The following NUP93 variants were observed in gnomAD, a reference collection of about 807,000 sequenced individuals.
NUP93 encodes nucleoporin 93, also known as nuclear pore complex protein Nup93.
In NUP93, 55 loss-of-function variants were observed where a neutral mutation model predicts 107.8. The ratio of observed to expected loss-of-function variants is 0.51; its 90% CI spans 0.41 to 0.64. NUP93 has a LOEUF of 0.64. Among genes scored for constraint, NUP93 ranks in the 30% least tolerant of loss-of-function variants. NUP93 has a pLI of 0.00. For synonymous variants in NUP93, 390 were observed against 397.5 expected (o/e 0.98, Z 0.22); for missense variants, 937 against 1,044.7 (o/e 0.90, Z 1.42).
Position 56,823,856 on chromosome 16 carries a change from C to T in NUP93, c.794+10C>T. 2.5e-6 allele frequency: 4 copies of T among 1,611,814 alleles called. No individual in the cohort carries two copies. Among genetic ancestry groups the T allele is most frequent in the Non-Finnish European group, 3.4e-6 (4 of 1,178,982 alleles). ...CGTACCTTGAGCAGAGGTAAGGCAG[C>T]AGTAGCACAGTGGGGCTGGCTTTCA... On this transcript the variant is annotated intron_variant, in intron 8 of 21. Coordinates refer to ENST00000308159, the MANE Select transcript of NUP93 (RefSeq NM_014669.5).
chr16:56,775,860 G>A lies in NUP93; in HGVS notation c.297+17205G>A, dbSNP rs762450459. Among the ~76,000 whole-genome samples the A allele has an allele frequency of 3.3e-5, 5 of 152,284 alleles. No homozygotes were observed. The South Asian group carries it at 1.0e-3, about 32-fold the overall frequency. On this transcript the variant is annotated intron_variant, in intron 3 of 21. Transcript: ENST00000308159. ...CCATGGTTGTCTATCCTGACCTGAA[G>A]TAGGGGTAAAGAAAGGCAGGGGCCC...
chr16:56,805,030 A>T (rs1208883532), intron 4 of NUP93, among the ~76,000 whole-genome samples: 1 of 152,062 alleles, frequency 6.6e-6, no homozygotes, highest in Non-Finnish European at 1.5e-5. Context: ...TTTGGAGATA[A>T]GGTCTTGCTC....
chr16:56,745,032 C>A (rs1189897268), intron 1 of NUP93, among the ~76,000 whole-genome samples: 2 of 152,182 alleles, frequency 1.3e-5, no homozygotes, highest in East Asian at 1.9e-4. Context: ...CGTCAGTGAA[C>A]AAAACACTGT....
In NUP93 at chr16:56,841,885, T is replaced by G. The variant is rs377740667; in HGVS notation, c.2349+52T>G. The G allele has an allele frequency of 2.1e-4, 329 of 1,603,570 alleles. 1 individual carries two copies. In the African/African-American group the frequency reaches 3.1e-3, roughly 15 times the overall value. On this transcript the variant is annotated intron_variant, in intron 21 of 21. Coordinates refer to ENST00000308159, the MANE Select transcript of NUP93 (RefSeq NM_014669.5). Reference sequence around the variant, plus strand: ...ATTGCTAAGCACCACCTTTCTGGTTTGGAATCCGTTGCGCTCTTATGAGAC... The same window carrying G: ...ATTGCTAAGCACCACCTTTCTGGTTGGGAATCCGTTGCGCTCTTATGAGAC...
At chr16:56,773,253 G>A (rs1044493060) in intron 3 of NUP93, among the ~76,000 whole-genome samples, 1 of 152,196 alleles carries the variant, frequency 6.6e-6, no homozygotes, top group Non-Finnish European at 1.5e-5. Flanking sequence ...CTTGTGTTTC[G>A]GAAATGAAGT....
At chr16:56,770,308 CA>C (rs1962295975) in intron 3 of NUP93, among the ~76,000 whole-genome samples, 1 of 152,138 alleles carries the variant, frequency 6.6e-6, no homozygotes, top group Admixed American at 6.6e-5. Context: ...GAGAGCTGGC[CA>C]GGGGCTTAGG....
At chr16:56,831,642 A>G (rs1300333327) in intron 10 of NUP93, 200 bp from the exon 11 acceptor site, 4 of 537,548 alleles carry the variant, frequency 7.4e-6, no homozygotes, top group South Asian at 2.3e-5. Flanking sequence ...CGGCAGGCCA[A>G]TAGATACAGG....
intron 3 of NUP93, among the ~76,000 whole-genome samples, chr16:56,777,966 C>T (rs569394726): frequency 2.0e-4 from 30 of 152,294 alleles, no homozygotes; most frequent in African/African-American, 6.7e-4. Flanking sequence ...GTTCAGTGCC[C>T]GTTAAGGACA....
Position 56,818,732 on chromosome 16 carries a change from G to A in NUP93, c.558G>A (p.Ala186=), listed in dbSNP as rs35687281. 2.5e-3 allele frequency: 4,005 copies of A among 1,613,574 alleles called. 73 individuals are homozygous for A. In the African/African-American group the frequency reaches 0.047, roughly 19 times the overall value. ...SSLDNIEMAY[A]RQIYIYNEKI... ...TGGATAACATCGAGATGGCCTATGC[G>A]CGGCAAGTGAGTGTGATTTTAAGGG... Residue 186 remains alanine (A), a synonymous_variant, in exon 6 of 22, where the codon GCG becomes GCA. Coordinates refer to ENST00000308159, the MANE Select transcript of NUP93 (RefSeq NM_014669.5).
rs1473029846 is a variant in NUP93, at chr16:56,758,798, C to G, written c.297+143C>G. 9.6e-6 allele frequency: 6 copies of G among 626,822 alleles called. No homozygotes were observed. In the East Asian group the frequency reaches 1.6e-4, roughly 17 times the overall value. 38.8% of individuals were successfully genotyped at this position (626,822 alleles called of 1,614,324 possible). A position where few individuals can be genotyped will look rare whatever the true frequency, so the allele number is the denominator to read the frequency against. On this transcript the variant is annotated intron_variant, in intron 3 of 21. Coordinates refer to ENST00000308159, the MANE Select transcript of NUP93 (RefSeq NM_014669.5). ...TCAGATATTAAGAGAACAGTAGATT[C>G]AGCTTTGGAGGTATAGTGGAAAACA...
intron 3 of NUP93, among the ~76,000 whole-genome samples, chr16:56,769,015 A>G (rs1388749615): frequency 1.3e-5 from 2 of 152,132 alleles, no homozygotes; most frequent in African/African-American, 2.4e-5. Flanking sequence ...TCTGAGGTGG[A>G]TACTTACTGT....
intron 9 of NUP93, 105 bp from the exon 10 acceptor site, chr16:56,830,423 T>G (rs1384997589): frequency 1.8e-6 from 2 of 1,100,400 alleles, no homozygotes; most frequent in Non-Finnish European, 2.5e-6. Context: ...TTCTGAAGAT[T>G]AAGTGACATA....
intron 2 of NUP93, among the ~76,000 whole-genome samples, chr16:56,756,390 A>C (rs1236971076): frequency 7.1e-6 from 1 of 141,102 alleles, no homozygotes; most frequent in Non-Finnish European, 1.5e-5. Context: ...GAGAACATGC[A>C]GTGTTTGGTT....
At chr16:56,758,217 T>G (rs1417053589) in intron 2 of NUP93, among the ~76,000 whole-genome samples, 1 of 152,198 alleles carries the variant, frequency 6.6e-6, no homozygotes, top group African/African-American at 2.4e-5. Flanking sequence ...AATGATAGCA[T>G]GCACCTCATG....
At chr16:56,807,376 G>C (rs781091510) in intron 5 of NUP93, among the ~76,000 whole-genome samples, 2 of 152,106 alleles carry the variant, frequency 1.3e-5, no homozygotes, top group Non-Finnish European at 2.9e-5. Flanking sequence ...CCCTTCTCTT[G>C]CTGTATTTTT....
chr16:56,820,805 G>T (rs908236472), intron 6 of NUP93, among the ~76,000 whole-genome samples: 1 of 152,102 alleles, frequency 6.6e-6, no homozygotes, highest in Non-Finnish European at 1.5e-5. Flanking sequence ...TTAAGATTTA[G>T]AACTAGTTAA....
At chr16:56,769,690 C>A (rs1962284869) in intron 3 of NUP93, among the ~76,000 whole-genome samples, 3 of 152,154 alleles carry the variant, frequency 2.0e-5, no homozygotes, top group Admixed American at 2.0e-4. Context: ...CAGCTTCTTG[C>A]TTGATCATCT....
intron 3 of NUP93, among the ~76,000 whole-genome samples, chr16:56,794,295 G>GT (rs1421267978): frequency 1.3e-5 from 2 of 152,090 alleles, no homozygotes; most frequent in African/African-American, 4.8e-5. Flanking sequence ...TTAGAGCCCA[G>GT]TTTTTTAAGT....
Position 56,834,122 on chromosome 16 carries a change from A to G in NUP93, c.1538-6A>G, listed in dbSNP as rs1963859778. The stretch of plus-strand genomic sequence containing the variant: ...GTTGTGACCCATTCTGACCCCCACA[A>G]TGCAGTCAGCCACGAGCCTGGTGAC... On this transcript the variant is annotated splice_region_variant and splice_polypyrimidine_tract_variant and intron_variant, in intron 13 of 21. Coordinates refer to ENST00000308159, the MANE Select transcript of NUP93 (RefSeq NM_014669.5). The G allele has an allele frequency of 1.8e-5, 29 of 1,613,858 alleles. No homozygotes were observed. Among genetic ancestry groups the G allele is most frequent in the Non-Finnish European group, 2.1e-5 (25 of 1,180,008 alleles).
Sources: gnomAD v4.1 joint callset for allele counts (sites outside exome capture counted in the v4.1 genomes callset) on GRCh38, gnomAD v4.1.1 for gene constraint, MANE v1.5 for transcripts, NCBI Gene and HGNC (gene_info 2026-07-23, HGNC 2026-07-21) for gene names.